LRRC40: variants seen among roughly 807,000 people sequenced by gnomAD.
LRRC40 encodes leucine-rich repeat-containing protein 40.
In LRRC40, 76 loss-of-function variants were observed where a neutral mutation model predicts 72.8. That is an observed-to-expected ratio of 1.04 (90% CI 0.87 to 1.26). The LOEUF (loss-of-function observed/expected upper bound fraction) is 1.26. Ranked by LOEUF, LRRC40 falls within the 50% of genes most tolerant of loss-of-function variation. LRRC40 has a pLI of 0.00. For missense variants in LRRC40, 684 were observed against 698.9 expected (o/e 0.98, Z 0.24); for synonymous variants, 243 against 254.2 (o/e 0.96, Z 0.42).
intron 1 of LRRC40, among the ~76,000 whole-genome samples, chr1:70,190,189 G>A (rs1668462788): frequency 6.6e-6 from 1 of 152,020 alleles, no homozygotes; most frequent in South Asian, 2.1e-4. Flanking sequence ...ACTTCAAGCT[G>A]GTATTAATCA....
intron 12 of LRRC40, among the ~76,000 whole-genome samples, chr1:70,151,409 C>T (rs938130913): frequency 7.2e-5 from 11 of 152,068 alleles, no homozygotes; most frequent in Non-Finnish European, 1.2e-4. Context: ...CCTAATAATA[C>T]CAATATGCAA....
intron 12 of LRRC40, among the ~76,000 whole-genome samples, chr1:70,152,203 G>A (rs564405624): frequency 9.2e-5 from 14 of 152,158 alleles, no homozygotes; most frequent in African/African-American, 2.2e-4. Flanking sequence ...GTCTTATGAC[G>A]TAACTTGTAA....
chr1:70,205,015 T>C (rs1668891383), intron 1 of LRRC40, among the ~76,000 whole-genome samples: 1 of 152,184 alleles, frequency 6.6e-6, no homozygotes, highest in Non-Finnish European at 1.5e-5. Flanking sequence ...CTTTGGTAAT[T>C]GCCCTTGAAG....
chr1:70,199,310 C>G (rs968661362), intron 1 of LRRC40, among the ~76,000 whole-genome samples: 2 of 151,854 alleles, frequency 1.3e-5, no homozygotes, highest in African/African-American at 4.8e-5. Flanking sequence ...TTGGCTTCTT[C>G]ACTTTTTATG....
chr1:70,149,027 C>T (rs1571428232), intron 13 of LRRC40, among the ~76,000 whole-genome samples: 1 of 152,136 alleles, frequency 6.6e-6, no homozygotes, highest in Admixed American at 6.6e-5. Flanking sequence ...TCTTATGAAA[C>T]ATAATCACTC....
intron 3 of LRRC40, among the ~76,000 whole-genome samples, chr1:70,185,912 C>T (rs900543721): frequency 1.3e-5 from 2 of 152,066 alleles, no homozygotes; most frequent in African/African-American, 4.8e-5. Context: ...TACTCACTTA[C>T]GAATTCCATG....
At chr1:70,200,259 A>G (rs990873260) in intron 1 of LRRC40, among the ~76,000 whole-genome samples, 2 of 152,140 alleles carry the variant, frequency 1.3e-5, no homozygotes, top group African/African-American at 4.8e-5. Context: ...GGACAGAGGG[A>G]GTTTGAGACC....
intron 6 of LRRC40, among the ~76,000 whole-genome samples, chr1:70,176,742 A>G (rs1340692556): frequency 1.3e-5 from 2 of 152,056 alleles, no homozygotes; most frequent in Admixed American, 1.3e-4. Context: ...AATATATTGA[A>G]ATTTTATTTG....
chr1:70,152,482 T>C lies in LRRC40; in HGVS notation c.1390A>G (p.Ile464Val), dbSNP rs1470651054. ...TGAAGCACACATAACTCCAAGGATA[T>C]AAAGGAAAGTTTATTAAAACTGAGA... The part of the protein sequence containing the change: ...VDLSFNKLSF[I>V]SLELCVLQKL... Residue 464 changes from isoleucine (I) to valine (V), a missense_variant, in exon 12 of 15, where the codon ATA becomes GTA. Transcript: ENST00000370952. 7 of 1,608,252 alleles carry C rather than the reference T, an allele frequency of 4.4e-6. No individual in the cohort carries two copies. Among genetic ancestry groups the C allele is most frequent in the Non-Finnish European group, 4.3e-6 (5 of 1,175,390 alleles).
chr1:70,205,574 A>G lies in LRRC40; in HGVS notation c.-34T>C. On this transcript the variant is annotated 5_prime_UTR_variant, in exon 1 of 15. Coordinates refer to ENST00000370952, the MANE Select transcript of LRRC40 (RefSeq NM_017768.5). ...TCCTAGGTCCAGAAGCTGCAGCCCC[A>G]CCCGTGACGCTTAAAGGTGGCGCCG... The G allele has an allele frequency of 1.3e-6, 2 of 1,557,164 alleles. No homozygotes were observed. The highest frequency in any genetic ancestry group is 1.8e-6 in the Non-Finnish European group (2 of 1,139,518).
At chr1:70,161,089 A>T (rs1317501597) in intron 9 of LRRC40, among the ~76,000 whole-genome samples, 7 of 142,320 alleles carry the variant, frequency 4.9e-5, no homozygotes, top group South Asian at 2.2e-4. Context: ...ATATCTCATT[A>T]TTTTTTTTTT....
At position 70,189,077 on chromosome 1, in the gene LRRC40, A is replaced by G; in HGVS notation, c.333+15T>C. 1 of 1,599,550 alleles carries G rather than the reference A, an allele frequency of 6.3e-7. No individual in the cohort carries two copies. The highest frequency in any genetic ancestry group is 8.5e-7 in the Non-Finnish European group (1 of 1,173,110). On this transcript the variant is annotated intron_variant, in intron 2 of 14. Coordinates refer to ENST00000370952, the MANE Select transcript of LRRC40 (RefSeq NM_017768.5). ...TCTTCAATTAATAATCCATATTTAT[A>G]GTCAGTCAACTTACATCAAGAACAG...
intron 9 of LRRC40, among the ~76,000 whole-genome samples, chr1:70,166,726 A>G (rs1413566709): frequency 1.3e-5 from 2 of 151,944 alleles, no homozygotes; most frequent in Admixed American, 6.6e-5. Flanking sequence ...CAGGCTTTGA[A>G]TATTTATATT....
At chr1:70,189,448 TTTTA>T (rs2100330927) in intron 1 of LRRC40, among the ~76,000 whole-genome samples, 175 bp from the exon 2 acceptor site, 1 of 152,332 alleles carries the variant, frequency 6.6e-6, no homozygotes, top group Admixed American at 6.5e-5. Context: ...TGAAAGTTGA[TTTTA>T]TTTAAAAAGG....
chr1:70,181,187 G>T lies in LRRC40; in HGVS notation c.560C>A (p.Thr187Lys), dbSNP rs1434432698. The T allele has an allele frequency of 1.9e-6, 3 of 1,569,806 alleles. No individual in the cohort carries two copies. The highest frequency in any genetic ancestry group is 1.4e-5 in the African/African-American group (1 of 72,702). ...EDLDLSNNHL[T>K]TVPASFSSLS... Reference sequence around the variant, plus strand: ...AGAAGAAAAACTAGCAGGAACAGTTGTAAGATGATTGTTTGAAAGATCCTT... The same window carrying T: ...AGAAGAAAAACTAGCAGGAACAGTTTTAAGATGATTGTTTGAAAGATCCTT... The change falls in exon 5 of 15, where the codon ACA becomes AAA. Residue 187 changes from threonine to lysine, a missense_variant. Coordinates refer to ENST00000370952, the MANE Select transcript of LRRC40 (RefSeq NM_017768.5).
chr1:70,192,082 T>G (rs1668513287), intron 1 of LRRC40, among the ~76,000 whole-genome samples: 1 of 152,208 alleles, frequency 6.6e-6, no homozygotes, highest in Admixed American at 6.5e-5. Flanking sequence ...TTAATGATAT[T>G]GATTATTCCT....
intron 9 of LRRC40, among the ~76,000 whole-genome samples, chr1:70,161,785 C>T (rs1177657039): frequency 6.6e-6 from 1 of 152,094 alleles, no homozygotes; most frequent in Non-Finnish European, 1.5e-5. Context: ...AAACTAGAGT[C>T]CATTTGGTTA....
At chr1:70,156,003 T>G (rs759942812) in intron 10 of LRRC40, among the ~76,000 whole-genome samples, 2 of 152,108 alleles carry the variant, frequency 1.3e-5, no homozygotes, top group Non-Finnish European at 1.5e-5. Flanking sequence ...TGTTATAACA[T>G]ATTGTGCTAC....
intron 10 of LRRC40, among the ~76,000 whole-genome samples, chr1:70,157,604 TAG>T (rs1446514726): frequency 6.6e-6 from 1 of 152,066 alleles, no homozygotes; most frequent in Non-Finnish European, 1.5e-5. Context: ...CCCCTTAGAA[TAG>T]AGACTCAATA....
Sources: gnomAD v4.1 joint callset for allele counts (sites outside exome capture counted in the v4.1 genomes callset) on GRCh38, gnomAD v4.1.1 for gene constraint, MANE v1.5 for transcripts, NCBI Gene and HGNC (gene_info 2026-07-23, HGNC 2026-07-21) for gene names.